The following CNTNAP2 variants were observed in gnomAD, a reference collection of about 807,000 sequenced individuals.
The protein encoded by CNTNAP2 is contactin associated protein 2, also known as contactin-associated protein-like 2.
Under a neutral mutation model 155.2 loss-of-function variants are expected in CNTNAP2, and 98 were observed. That is an observed-to-expected ratio of 0.63 (90% CI 0.54 to 0.75). The LOEUF is 0.75. Ranked by LOEUF, CNTNAP2 falls within the 30% of genes least tolerant of loss-of-function variation. CNTNAP2 has a pLI of 0.00. For missense variants in CNTNAP2, 1,727 were observed against 1,688.1 expected, an observed-to-expected ratio of 1.02 and a Z score of -0.40; for synonymous variants, 651 against 631.2, an observed-to-expected ratio of 1.03 and a Z score of -0.47.
intron 11 of CNTNAP2, among the ~76,000 whole-genome samples, chr7:147,531,785 C>T (rs764093979): frequency 6.6e-6 from 1 of 151,252 alleles, no homozygotes; most frequent in Non-Finnish European, 1.5e-5. Context: ...AATTTCTCCC[C>T]AGAAAATGGG....
chr7:146,415,866 T>C (rs2129112220), intron 1 of CNTNAP2, among the ~76,000 whole-genome samples: 1 of 152,210 alleles, frequency 6.6e-6, no homozygotes, highest in South Asian at 2.1e-4. Flanking sequence ...TCTTAGGAAG[T>C]CAATATAAAT....
chr7:146,747,255 G>C (rs1190577101), intron 1 of CNTNAP2, among the ~76,000 whole-genome samples: 1 of 151,784 alleles, frequency 6.6e-6, no homozygotes, highest in African/African-American at 2.4e-5. Context: ...ACTTGCAAGG[G>C]GCACAAGGCA....
chr7:147,472,204 C>CTTTTTTTTTTTTTT (rs542047274), intron 10 of CNTNAP2, among the ~76,000 whole-genome samples: 4 of 81,072 alleles, frequency 4.9e-5, no homozygotes, highest in African/African-American at 2.1e-4. Flanking sequence ...TCTTTTTTTC[C>CTTTTTTTTTTTTTT]TTTTTTTTTT....
chr7:147,881,276 A>T (rs1799516215), intron 13 of CNTNAP2, among the ~76,000 whole-genome samples: 1 of 152,238 alleles, frequency 6.6e-6, no homozygotes, highest in Admixed American at 6.5e-5. Flanking sequence ...AATCTATTAA[A>T]TTGTTAAGAA....
At chr7:147,292,143 GC>G (rs1426344180) in intron 8 of CNTNAP2, among the ~76,000 whole-genome samples, 1 of 152,086 alleles carries the variant, frequency 6.6e-6, no homozygotes, top group Non-Finnish European at 1.5e-5. Flanking sequence ...ACCTCTGTTA[GC>G]CCCCAGGTCC....
At position 147,278,800 on chromosome 7, in the gene CNTNAP2, G is replaced by A. The variant is rs371826728; in HGVS notation, c.1349-21341G>A. On this transcript the variant is annotated intron_variant, in intron 8 of 23. Transcript: ENST00000361727. ...TATTTAAAATTATTTCAGTCTTTTC[G>A]TATAATGTTAAGTAATAAAACTTGC... Among the ~76,000 whole-genome samples the A allele has an allele frequency of 1.3e-4, 20 of 151,120 alleles. 1 individual carries two copies. The highest frequency in any genetic ancestry group is 8.4e-4 in the South Asian group (4 of 4,790).
At chr7:148,271,081 C>T (rs757580949) in intron 21 of CNTNAP2, among the ~76,000 whole-genome samples, 2 of 152,146 alleles carry the variant, frequency 1.3e-5, no homozygotes, top group Admixed American at 1.3e-4. Flanking sequence ...TTAAGACATA[C>T]ACAACACAAT....
At chr7:147,967,348 TTAAACTC>T (rs1801234509) in intron 14 of CNTNAP2, among the ~76,000 whole-genome samples, 1 of 152,242 alleles carries the variant, frequency 6.6e-6, no homozygotes, top group African/African-American at 2.4e-5. Context: ...TCTTTCCTTC[TTAAACTC>T]TAGAGTATCG....
At position 147,951,006 on chromosome 7, in the gene CNTNAP2, A is replaced by C. The variant is rs1447687236; in HGVS notation, c.2256-26856A>C. On this transcript the variant is annotated intron_variant, in intron 14 of 23. Transcript: ENST00000361727. ...TCTTCATCCAACTTAGGATATAAGC[A>C]TCTGACTCTAACTGCTTCTTTGGGT... Among the ~76,000 whole-genome samples, 3 of 152,230 alleles carry C rather than the reference A, an allele frequency of 2.0e-5. No individual in the cohort carries two copies. In the South Asian group the frequency reaches 6.2e-4, roughly 31 times the overall value.
chr7:147,049,163 A>G (rs1255808371), intron 4 of CNTNAP2, among the ~76,000 whole-genome samples: 1 of 152,212 alleles, frequency 6.6e-6, no homozygotes, highest in Non-Finnish European at 1.5e-5. Context: ...CCACCTCTCA[A>G]CACTGTTGCA....
At chr7:146,247,852 G>A (rs1799687623) in intron 1 of CNTNAP2, among the ~76,000 whole-genome samples, 1 of 152,110 alleles carries the variant, frequency 6.6e-6, no homozygotes, top group African/African-American at 2.4e-5. Context: ...AGTGAAGGAG[G>A]CTAGCCCAGA....
intron 9 of CNTNAP2, among the ~76,000 whole-genome samples, chr7:147,311,375 G>A (rs904096588): frequency 6.6e-6 from 1 of 152,040 alleles, no homozygotes; most frequent in African/African-American, 2.4e-5. Flanking sequence ...GAGTGGGTAG[G>A]GCCCCAGATG....
At chr7:146,284,429 A>G (rs1404883158) in intron 1 of CNTNAP2, among the ~76,000 whole-genome samples, 1 of 152,110 alleles carries the variant, frequency 6.6e-6, no homozygotes, top group Non-Finnish European at 1.5e-5. Flanking sequence ...TCCCCACTAT[A>G]TAAATGCAAT....
chr7:147,048,815 A>G (rs1799416929), intron 4 of CNTNAP2, among the ~76,000 whole-genome samples: 1 of 152,204 alleles, frequency 6.6e-6, no homozygotes, highest in Non-Finnish European at 1.5e-5. Context: ...ATGTCTTTTT[A>G]TAACATAAAG....
chr7:147,008,143 A>T (rs967123312), intron 3 of CNTNAP2, among the ~76,000 whole-genome samples: 1 of 152,122 alleles, frequency 6.6e-6, no homozygotes, highest in Admixed American at 6.6e-5. Flanking sequence ...TTTAGGATCC[A>T]TTAGCAAAAT....
intron 14 of CNTNAP2, among the ~76,000 whole-genome samples, chr7:147,966,912 C>A (rs1414133235): frequency 6.6e-6 from 1 of 151,982 alleles, no homozygotes; most frequent in Non-Finnish European, 1.5e-5. Flanking sequence ...ACATGGCATT[C>A]CAGTTTCTGC....
intron 1 of CNTNAP2, among the ~76,000 whole-genome samples, chr7:146,587,729 A>G (rs2129148891): frequency 6.6e-6 from 1 of 152,020 alleles, no homozygotes. Flanking sequence ...CTAGAGTGCA[A>G]TGTCATGATC....
intron 8 of CNTNAP2, among the ~76,000 whole-genome samples, chr7:147,298,884 A>G (rs543071445): frequency 6.6e-6 from 1 of 152,234 alleles, no homozygotes; most frequent in Admixed American, 6.5e-5. Context: ...CTCACAGGTT[A>G]TAGAAAAGCA....
chr7:147,600,442 A>C (rs1800921925), intron 12 of CNTNAP2, among the ~76,000 whole-genome samples: 1 of 152,204 alleles, frequency 6.6e-6, no homozygotes, highest in Non-Finnish European at 1.5e-5. Context: ...CTGTAAACAA[A>C]TCAGCATGCC....
Sources: allele counts gnomAD v4.1 joint callset (sites outside exome capture counted in the v4.1 genomes callset), GRCh38; gene constraint gnomAD v4.1.1; transcripts MANE v1.5; gene names NCBI Gene and HGNC (gene_info 2026-07-23, HGNC 2026-07-21).